CHN2: variants seen among roughly 807,000 people sequenced by gnomAD.
The protein encoded by CHN2 is beta-chimaerin.
Under a neutral mutation model 56.3 loss-of-function variants are expected in CHN2, and 35 were observed. The observed-to-expected ratio is 0.62, with a 90% confidence interval of 0.47 to 0.82. The LOEUF is 0.82. CHN2 is among the 40% of genes least tolerant of loss of function. The pLI is 0.00. For missense variants in CHN2, 491 were observed against 580.5 expected, an observed-to-expected ratio of 0.85 and a Z score of 1.58; for synonymous variants, 210 against 212.8, an observed-to-expected ratio of 0.99 and a Z score of 0.12.
chr7:29,213,307 G>A (rs560332240), intron 1 of CHN2: 19 of 749,994 alleles, frequency 2.5e-5, no homozygotes, highest in East Asian at 9.9e-5. Context: ...GATTTTTCTT[G>A]TATGGAAACC....
At chr7:29,465,229 T>C (rs1033846037) in intron 6 of CHN2, among the ~76,000 whole-genome samples, 1 of 152,244 alleles carries the variant, frequency 6.6e-6, no homozygotes, top group Non-Finnish European at 1.5e-5. Context: ...CAAATTAAAA[T>C]GATTTTATGT....
chr7:29,204,532 ATT>A (rs1170445141), intron 1 of CHN2, among the ~76,000 whole-genome samples: 1 of 152,120 alleles, frequency 6.6e-6, no homozygotes, highest in African/African-American at 2.4e-5. Context: ...AAATAATACT[ATT>A]TTTGCTGATT....
intron 2 of CHN2, among the ~76,000 whole-genome samples, chr7:29,156,087 G>A (rs1216787452): frequency 6.6e-6 from 1 of 152,222 alleles, no homozygotes; most frequent in Non-Finnish European, 1.5e-5. Flanking sequence ...AGAGGGAAGA[G>A]TTAATGTGTG....
chr7:29,147,056 C>G, intron 2 of CHN2: 8 of 1,494,660 alleles, frequency 5.4e-6, no homozygotes, highest in Non-Finnish European at 7.2e-6. Flanking sequence ...TACCATTATA[C>G]CCATTTTGCA....
intron 1 of CHN2, among the ~76,000 whole-genome samples, chr7:29,261,200 G>T (rs528192229): frequency 2.0e-5 from 3 of 152,142 alleles, no homozygotes; most frequent in African/African-American, 7.2e-5. Context: ...TTTACAGAAT[G>T]GGGAAGGACA....
At chr7:29,395,057 C>T (rs1400880788) in intron 4 of CHN2, among the ~76,000 whole-genome samples, 1 of 152,064 alleles carries the variant, frequency 6.6e-6, no homozygotes, top group African/African-American at 2.4e-5. Flanking sequence ...AAAAGTAATA[C>T]ATGCTTCATT....
chr7:29,428,142 T>C (rs1805069514), intron 6 of CHN2, among the ~76,000 whole-genome samples: 1 of 152,214 alleles, frequency 6.6e-6, no homozygotes, highest in Admixed American at 6.5e-5. Context: ...TCTCTCTGCC[T>C]CAGTTTCCTC....
chr7:29,264,068 C>T (rs1466090039), intron 1 of CHN2, among the ~76,000 whole-genome samples: 6 of 150,514 alleles, frequency 4.0e-5, no homozygotes, highest in African/African-American at 1.2e-4. Context: ...GCCGCCGCCC[C>T]GTCCGGGAGG....
At chr7:29,291,644 T>G (rs1792635693) in intron 1 of CHN2, among the ~76,000 whole-genome samples, 2 of 152,208 alleles carry the variant, frequency 1.3e-5, no homozygotes, top group South Asian at 2.1e-4. Context: ...AGTCAACTAT[T>G]GTTACGTATT....
chr7:29,480,239 C>T (rs1787025578), intron 6 of CHN2, 40 bp from the exon 7 acceptor site: 1 of 1,614,040 alleles, frequency 6.2e-7, no homozygotes, highest in Admixed American at 1.7e-5. Flanking sequence ...TCAAAGGCGG[C>T]TTTCTTTGGC....
intron 1 of CHN2, among the ~76,000 whole-genome samples, chr7:29,217,836 A>C (rs1252938767): frequency 6.6e-6 from 1 of 152,168 alleles, no homozygotes; most frequent in Non-Finnish European, 1.5e-5. Flanking sequence ...GCAATAGTTT[A>C]ATCTGAATGT....
At chr7:29,246,591 C>T in intron 1 of CHN2, among the ~76,000 whole-genome samples, 1 of 152,166 alleles carries the variant, frequency 6.6e-6, no homozygotes, top group East Asian at 1.9e-4. Context: ...CAAGGCACAT[C>T]CATGGCTGAA....
chr7:29,420,927 A>G (rs912298040), intron 6 of CHN2, among the ~76,000 whole-genome samples: 3 of 151,704 alleles, frequency 2.0e-5, no homozygotes, highest in African/African-American at 7.3e-5. Context: ...CTTCTGCCTC[A>G]GCCTCCTGAG....
chr7:29,449,236 G>A (rs1784233635), intron 6 of CHN2, among the ~76,000 whole-genome samples: 1 of 152,102 alleles, frequency 6.6e-6, no homozygotes, highest in African/African-American at 2.4e-5. Context: ...AAATAATTAA[G>A]GTGTGTTGGA....
intron 1 of CHN2, among the ~76,000 whole-genome samples, chr7:29,269,546 C>T (rs1790446972): frequency 6.6e-6 from 1 of 152,148 alleles, no homozygotes; most frequent in African/African-American, 2.4e-5. Flanking sequence ...ATACTGATTT[C>T]CTTTCTTTTG....
At chr7:29,176,141 G>A (rs925195641) in intron 2 of CHN2, among the ~76,000 whole-genome samples, 9 of 151,610 alleles carry the variant, frequency 5.9e-5, no homozygotes, top group African/African-American at 7.3e-5. Flanking sequence ...AGCCAAGATC[G>A]CGCCACTGCA....
intron 1 of CHN2, among the ~76,000 whole-genome samples, chr7:29,306,579 G>A (rs1178500628): frequency 3.9e-5 from 6 of 152,168 alleles, no homozygotes; most frequent in Non-Finnish European, 8.8e-5. Context: ...AGCCCAAGGC[G>A]ATAGAGCACA....
rs186758957 is a variant in CHN2 at position 29,165,545 on chromosome 7, T to A, written c.274+18585T>A. Among the ~76,000 whole-genome samples, 42 of 152,298 alleles carry A rather than the reference T, an allele frequency of 2.8e-4. 1 individual carries two copies. The highest frequency in any genetic ancestry group is 3.4e-3 in the Middle Eastern group (1 of 294). ...CTTTTTAACCTGTATGCCTTTGTTA[T>A]TTCTTTTTCTTTCATTAATACATTT... On this transcript the variant is annotated intron_variant, in intron 2 of 6. Transcript: ENST00000439384.
chr7:29,339,040 A>G (rs1372941987), intron 1 of CHN2, among the ~76,000 whole-genome samples: 2 of 152,200 alleles, frequency 1.3e-5, no homozygotes, highest in Non-Finnish European at 2.9e-5. Flanking sequence ...CTGTCATACT[A>G]TTGGATTACT....
Sources: allele counts gnomAD v4.1 joint callset (sites outside exome capture counted in the v4.1 genomes callset), GRCh38; gene constraint gnomAD v4.1.1; transcripts MANE v1.5; gene names NCBI Gene and HGNC (gene_info 2026-07-23, HGNC 2026-07-21).